Variants in CNTN6 observed in about 807,000 individuals in gnomAD.
The protein encoded by CNTN6 is contactin 6.
In CNTN6, 137 loss-of-function variants were observed where a neutral mutation model predicts 122.8. That is an observed-to-expected ratio of 1.12 (90% CI 0.97 to 1.29). The LOEUF (loss-of-function observed/expected upper bound fraction) is 1.29, where lower values mean the gene tolerates loss of function less well. Among genes scored for constraint, CNTN6 ranks in the 50% most tolerant of loss-of-function variants. CNTN6 has a pLI of 0.00. For synonymous variants in CNTN6, 570 were observed against 426.0 expected, an observed-to-expected ratio of 1.34 and a Z score of -4.16; for missense variants, 1,634 against 1,223.4, an observed-to-expected ratio of 1.34 and a Z score of -5.01.
chr3:1,101,699 A>G (rs530293990), intron 1 of CNTN6, among the ~76,000 whole-genome samples: 22 of 152,214 alleles, frequency 1.4e-4, no homozygotes, highest in Non-Finnish European at 2.8e-4. Context: ...ATGTCTTTCC[A>G]TTGGCTCCAC....
intron 20 of CNTN6, among the ~76,000 whole-genome samples, chr3:1,400,345 C>G (rs1695524834): frequency 6.6e-6 from 1 of 152,042 alleles, no homozygotes; most frequent in African/African-American, 2.4e-5. Flanking sequence ...GATTCGTCAG[C>G]TGCATGCTTT....
At position 1,261,246 on chromosome 3, in the gene CNTN6, G is replaced by T. The variant is rs576385452; in HGVS notation, c.359-17167G>T. ...CTGTGAAAGCAGATCTCATGGCGAA[G>T]ACATGGACTATGTAGTGTATTTAGG... On this transcript the variant is annotated intron_variant, in intron 4 of 22. Coordinates refer to ENST00000446702, the MANE Select transcript of CNTN6 (RefSeq NM_001289080.2). Among the ~76,000 whole-genome samples, 11 of 152,300 alleles carry T rather than the reference G, an allele frequency of 7.2e-5. No homozygotes were observed. In the East Asian group the frequency reaches 1.9e-3, roughly 27 times the overall value.
Position 1,403,406 on chromosome 3 carries a change from G to T in CNTN6, c.3075G>T (p.Gln1025His). The change falls in exon 23 of 23, where the codon CAG (glutamine) becomes CAT (histidine). Residue 1025 changes from glutamine (Q) to histidine (H), a missense_variant. By Grantham distance (24) the Gln-to-His change is conservative (BLOSUM62 0). Transcript: ENST00000446702. Reference protein sequence around the residue: ...VIVIFHCFAIQPLI With the variant: ...VIVIFHCFAIHPLI ...TGATTTTTCACTGTTTTGCTATTCA[G>T]CCACTTATCTGATGAATAAAACCAT... 1.3e-6 allele frequency: 2 copies of T among 1,599,102 alleles called. No individual in the cohort carries two copies. Among genetic ancestry groups the T allele is most frequent in the East Asian group, 2.2e-5 (1 of 44,668 alleles).
intron 1 of CNTN6, among the ~76,000 whole-genome samples, chr3:1,107,317 C>T (rs2124998995): frequency 6.6e-6 from 1 of 152,052 alleles, no homozygotes; most frequent in African/African-American, 2.4e-5. Context: ...TTGTTGAGTA[C>T]CCATTTCAAA....
intron 4 of CNTN6, among the ~76,000 whole-genome samples, chr3:1,245,444 A>G (rs1345231785): frequency 2.0e-5 from 3 of 146,456 alleles, no homozygotes; most frequent in Non-Finnish European, 4.5e-5. Flanking sequence ...GGAATGGAAA[A>G]TCAAACATCA....
intron 2 of CNTN6, among the ~76,000 whole-genome samples, chr3:1,179,564 T>G (rs1283923350): frequency 6.6e-6 from 1 of 152,192 alleles, no homozygotes; most frequent in Non-Finnish European, 1.5e-5. Context: ...AGTTTTATTT[T>G]TAATGCTTCT....
chr3:1,189,707 AG>A (rs2093674247), intron 2 of CNTN6, among the ~76,000 whole-genome samples: 1 of 152,164 alleles, frequency 6.6e-6, no homozygotes, highest in Admixed American at 6.6e-5. Context: ...TGCAATGAGA[AG>A]CCTTTGAGGC....
chr3:1,109,278 G>A (rs1019961579), intron 1 of CNTN6, among the ~76,000 whole-genome samples: 38 of 152,016 alleles, frequency 2.5e-4, no homozygotes, highest in African/African-American at 9.2e-4. Context: ...AGTGGCTGTG[G>A]TTTCCACATT....
intron 5 of CNTN6, among the ~76,000 whole-genome samples, chr3:1,290,917 G>T (rs182876569): frequency 1.3e-3 from 204 of 152,154 alleles, no homozygotes; most frequent in African/African-American, 4.3e-3. Context: ...AGGTCTTTAC[G>T]ATCTGTATCT....
At chr3:1,373,098 A>T (rs1709313340) in intron 14 of CNTN6, 143 bp downstream of exon 14, 1 of 568,530 alleles carries the variant, frequency 1.8e-6, no homozygotes, top group Admixed American at 3.2e-5. Flanking sequence ...AAACCCCAGG[A>T]CTCCATGGTA....
intron 10 of CNTN6, among the ~76,000 whole-genome samples, chr3:1,329,251 ATG>A (rs72285906): frequency 0.18 from 27,178 of 150,798 alleles, 4,456 homozygotes; most frequent in African/African-American, 0.44. Flanking sequence ...ATACATGTAT[ATG>A]TGTGTGTGTG....
At chr3:1,297,344 A>T (rs1002212633) in intron 6 of CNTN6, among the ~76,000 whole-genome samples, 1 of 152,008 alleles carries the variant, frequency 6.6e-6, no homozygotes, top group African/African-American at 2.4e-5. Context: ...TTCTGTTACA[A>T]CTCCTCTGGT....
At chr3:1,335,251 C>G (rs1229461396) in intron 11 of CNTN6, among the ~76,000 whole-genome samples, 1 of 152,126 alleles carries the variant, frequency 6.6e-6, no homozygotes, top group Middle Eastern at 3.2e-3. Context: ...ACACACACTG[C>G]TACATTGGAT....
chr3:1,366,925 T>C (rs979334648), intron 12 of CNTN6, among the ~76,000 whole-genome samples: 17 of 152,172 alleles, frequency 1.1e-4, no homozygotes, highest in Admixed American at 1.1e-3. Flanking sequence ...TCAAATACAG[T>C]CTATTTTTCA....
intron 2 of CNTN6, among the ~76,000 whole-genome samples, chr3:1,153,435 A>C (rs1052589750): frequency 4.6e-5 from 7 of 152,214 alleles, no homozygotes; most frequent in Non-Finnish European, 8.8e-5. Context: ...TTGCTGACAA[A>C]TGTGGTTATA....
At chr3:1,170,236 C>CAAAAAAAAA (rs10525769) in intron 2 of CNTN6, among the ~76,000 whole-genome samples, 7 of 107,458 alleles carry the variant, frequency 6.5e-5, no homozygotes, top group African/African-American at 1.0e-4. Flanking sequence ...GGCTCCATCT[C>CAAAAAAAAA]AAAAAAAAAA....
chr3:1,165,663 C>T (rs1219317266), intron 2 of CNTN6, among the ~76,000 whole-genome samples: 2 of 152,162 alleles, frequency 1.3e-5, no homozygotes, highest in Non-Finnish European at 2.9e-5. Context: ...CTGAGTATCT[C>T]ACTAGTTCTT....
chr3:1,272,003 C>A lies in CNTN6; in HGVS notation c.359-6410C>A, dbSNP rs570439336. Among the ~76,000 whole-genome samples, 5 of 152,212 alleles carry A rather than the reference C, an allele frequency of 3.3e-5. No individual in the cohort carries two copies. In the East Asian group the frequency reaches 9.6e-4, roughly 29 times the overall value. On this transcript the variant is annotated intron_variant, in intron 4 of 22. Transcript: ENST00000446702. The stretch of plus-strand genomic sequence containing the variant: ...GTGGGAGGTAATTGAATCATGGGGG[C>A]AGGTTTTACCCATGCTGTTCTCCTG...
At chr3:1,132,728 G>C (rs918226919) in intron 1 of CNTN6, among the ~76,000 whole-genome samples, 4 of 151,804 alleles carry the variant, frequency 2.6e-5, no homozygotes, top group African/African-American at 9.7e-5. Flanking sequence ...TCCTTGCTGG[G>C]GGTCACTTTA....
Sources: allele counts gnomAD v4.1 joint callset (sites outside exome capture counted in the v4.1 genomes callset), GRCh38; gene constraint gnomAD v4.1.1; transcripts MANE v1.5; gene names NCBI Gene and HGNC (gene_info 2026-07-23, HGNC 2026-07-21).